STRIP1: variants seen among roughly 807,000 people sequenced by gnomAD.
The protein encoded by STRIP1 is striatin interacting protein 1.
Under a neutral mutation model 106.2 loss-of-function variants are expected in STRIP1, and 63 were observed. The ratio of observed to expected loss-of-function variants is 0.59; its 90% confidence interval spans 0.48 to 0.73. STRIP1 has a LOEUF of 0.73. Ranked by LOEUF, STRIP1 falls within the 30% of genes least tolerant of loss-of-function variation. STRIP1 has a pLI of 0.00. For missense variants in STRIP1, 857 were observed against 1,074.8 expected (o/e 0.80, Z 2.83); for synonymous variants, 390 against 413.0 (o/e 0.94, Z 0.67).
intron 5 of STRIP1, among the ~76,000 whole-genome samples, 194 bp from the exon 6 acceptor site, chr1:110,040,441 C>T (rs1159791646): frequency 1.3e-5 from 2 of 152,330 alleles, no homozygotes; most frequent in Non-Finnish European, 2.9e-5. Flanking sequence ...CTCGGCCTCC[C>T]GAAGTACTGG....
intron 1 of STRIP1, among the ~76,000 whole-genome samples, chr1:110,036,790 A>G (rs1237101407): frequency 6.6e-6 from 1 of 152,126 alleles, no homozygotes; most frequent in East Asian, 1.9e-4. Flanking sequence ...TCTGAACACA[A>G]CGTGGAGTTC....
chr1:110,040,499 C>G (rs1652706139), intron 5 of STRIP1, 136 bp from the exon 6 acceptor site: 2 of 760,758 alleles, frequency 2.6e-6, no homozygotes, highest in South Asian at 3.9e-5. Flanking sequence ...GGTTTCTTAA[C>G]CACCGTGTCC....
rs201224837 is a variant in STRIP1 at position 110,044,791 on chromosome 1, C to G, written c.1287-49C>G. 4.8e-5 allele frequency: 76 copies of G among 1,575,404 alleles called. 1 individual carries two copies. In the African/African-American group the frequency reaches 8.8e-4, roughly 18 times the overall value. On this transcript the variant is annotated intron_variant, in intron 10 of 20. Coordinates refer to ENST00000369795, the MANE Select transcript of STRIP1 (RefSeq NM_033088.4). ...TGTTAACTGTAACACTTTGAAATAG[C>G]ATTTGCTAAAAACCTTTTTTCTTTC...
intron 6 of STRIP1, 77 bp downstream of exon 6, chr1:110,040,780 T>C: frequency 3.2e-6 from 4 of 1,239,448 alleles, no homozygotes; most frequent in Non-Finnish European, 4.5e-6. Flanking sequence ...AGGCTGTCTG[T>C]GGGTGTCATT....
Position 110,039,388 on chromosome 1 carries a change from A to C in STRIP1, c.461-7A>C, listed in dbSNP as rs1373900819. The C allele has an allele frequency of 6.2e-7, 1 of 1,614,006 alleles. No individual in the cohort carries two copies. The highest frequency in any genetic ancestry group is 8.5e-7 in the Non-Finnish European group (1 of 1,180,028). The stretch of plus-strand genomic sequence containing the variant: ...AGGGGCTCAGTGAGTTGAACCCTGC[A>C]TTGCAGGCACGTTTGGGGAGTGCAG... On this transcript the variant is annotated splice_polypyrimidine_tract_variant and splice_region_variant and intron_variant, in intron 4 of 20. Transcript: ENST00000369795.
chr1:110,040,855 A>G, intron 6 of STRIP1, 152 bp downstream of exon 6: 1 of 671,670 alleles, frequency 1.5e-6, no homozygotes. Context: ...GATTAGTAGG[A>G]ACTGCTGAGG....
At position 110,054,237 on chromosome 1, in the gene STRIP1, G is replaced by T. The variant is rs1230159981; in HGVS notation, c.*325G>T. 4 of 297,738 alleles carry T rather than the reference G, an allele frequency of 1.3e-5. No individual in the cohort carries two copies. The Admixed American group carries it at 1.4e-4, about 11-fold the overall frequency. 18.4% of individuals were successfully genotyped at this position (297,738 alleles called of 1,614,324 possible). On this transcript the variant is annotated 3_prime_UTR_variant, in exon 21 of 21. Transcript: ENST00000369795. The stretch of plus-strand genomic sequence containing the variant: ...GCTGGAATGGGATGGGAACCCCTCC[G>T]CCGTGCATCTGAATTTCAGGGGTCA...
At position 110,051,701 on chromosome 1, in the gene STRIP1, T is replaced by G. The variant is rs185345162; in HGVS notation, c.2080T>G (p.Ser694Ala). 2 of 1,607,836 alleles carry G rather than the reference T, an allele frequency of 1.2e-6. No homozygotes were observed. Among genetic ancestry groups the G allele is most frequent in the Admixed American group, 1.7e-5 (1 of 59,064 alleles). Reference sequence around the variant, plus strand: ...TTCCCAGATGCTGGTGGTGTTCAAGTCAGCCCCCATCTTGAAGCGGGCCCT... The same window carrying G: ...TTCCCAGATGCTGGTGGTGTTCAAGGCAGCCCCCATCTTGAAGCGGGCCCT... Reference protein sequence around the residue: ...SRTMMLVVFKSAPILKRALKV... With the variant: ...SRTMMLVVFKAAPILKRALKV... The change falls in exon 20 of 21, where the codon TCA (serine) becomes GCA (alanine). Residue 694 changes from serine to alanine, a missense_variant. Physicochemically the swap from Ser to Ala is moderately conservative, Grantham distance 99. Around this residue, in one of 2 missense-constraint regions of STRIP1, gnomAD observed 750 missense variants for 989.8 expected, o/e 0.76. Coordinates refer to ENST00000369795, the MANE Select transcript of STRIP1 (RefSeq NM_033088.4).
In STRIP1 at chr1:110,053,848, A is replaced by G. The variant is rs752984955; in HGVS notation, c.2450A>G (p.Tyr817Cys). ...VDLPEDFQMN[Y>C]DLWLEREVFS... is the part of the protein sequence containing the mutation. ...CTCCCTGAGGACTTTCAGATGAACT[A>G]TGACCTCTGGTTAGAAAGGGAGGTC... Residue 817 changes from tyrosine to cysteine, a missense_variant, in exon 21 of 21, where the codon TAT becomes TGT. Tyr to Cys is a radical substitution (Grantham distance 194, BLOSUM62 -2). Coordinates refer to ENST00000369795, the MANE Select transcript of STRIP1 (RefSeq NM_033088.4). The G allele has an allele frequency of 8.1e-6, 13 of 1,614,024 alleles. No individual in the cohort carries two copies. Among genetic ancestry groups the G allele is most frequent in the East Asian group, 2.2e-5 (1 of 44,874 alleles).
chr1:110,036,438 G>A (rs894767387), intron 1 of STRIP1, among the ~76,000 whole-genome samples: 8 of 152,006 alleles, frequency 5.3e-5, no homozygotes, highest in African/African-American at 1.9e-4. Context: ...TGGGTGACAA[G>A]AGCGAAACTC....
In STRIP1 at chr1:110,044,828, G is replaced by A. The variant is rs1342970445; in HGVS notation, c.1287-12G>A. 6.2e-7 allele frequency: 1 copy of A among 1,611,806 alleles called. No homozygotes were observed. Among genetic ancestry groups the A allele is most frequent in the Non-Finnish European group, 8.5e-7 (1 of 1,179,146 alleles). Reference sequence around the variant, plus strand: ...ACCTTTTTTCTTTCTCTCTTTTTTGGTGATGTGGCAGAGAGAAAGACATTG... The same window carrying A: ...ACCTTTTTTCTTTCTCTCTTTTTTGATGATGTGGCAGAGAGAAAGACATTG... On this transcript the variant is annotated splice_polypyrimidine_tract_variant and intron_variant, in intron 10 of 20. Coordinates refer to ENST00000369795, the MANE Select transcript of STRIP1 (RefSeq NM_033088.4).
chr1:110,039,048 C>G (rs1371729841), intron 3 of STRIP1, 124 bp from the exon 4 acceptor site: 2 of 1,122,220 alleles, frequency 1.8e-6, no homozygotes, highest in African/African-American at 3.1e-5. Context: ...GATCTTACCA[C>G]TTACATAGGG....
At position 110,050,382 on chromosome 1, in the gene STRIP1, G is replaced by A; in HGVS notation, c.1929G>A (p.Glu643=). ...ATTACCCTCACTGCGTGGTGCATGA[G>A]CTGCCAGAGCTGACGGCGGAGAGTT... ...VLDYPHCVVH[E]LPELTAESLE... Residue 643 remains glutamate, a synonymous_variant, in exon 18 of 21, where the codon GAG becomes GAA. Transcript: ENST00000369795. The A allele has an allele frequency of 6.2e-7, 1 of 1,614,228 alleles. No homozygotes were observed. The highest frequency in any genetic ancestry group is 8.5e-7 in the Non-Finnish European group (1 of 1,180,032).
rs1407481468 is a variant in STRIP1, at chr1:110,047,543, G to A, written c.1490G>A (p.Gly497Glu). The change falls in exon 14 of 21, where the codon GGA becomes GAA. Residue 497 changes from glycine to glutamate, a missense_variant and splice_region_variant. By Grantham distance (98) the Gly-to-Glu change is moderately conservative. Coordinates refer to ENST00000369795, the MANE Select transcript of STRIP1 (RefSeq NM_033088.4). ...EEYLRSPLSGGEEEVEQVPAE... is the reference protein window; with the variant it reads ...EEYLRSPLSGEEEEVEQVPAE... ...TGCTTGTACTCATTATGTTAAAAGG[G>A]AGAAGAAGAAGTTGAGCAAGTCCCT... The A allele has an allele frequency of 1.2e-6, 2 of 1,610,674 alleles. No individual in the cohort carries two copies. Among genetic ancestry groups the A allele is most frequent in the African/African-American group, 2.7e-5 (2 of 74,878 alleles).
intron 17 of STRIP1, 110 bp from the exon 18 acceptor site, chr1:110,050,233 C>G (rs1653228089): frequency 3.0e-6 from 3 of 1,007,506 alleles, no homozygotes; most frequent in African/African-American, 1.6e-5. Context: ...ATTCCTACTT[C>G]TGCTCCAACA....
chr1:110,044,886 A>G lies in STRIP1; in HGVS notation c.1333A>G (p.Ile445Val), dbSNP rs569587037. 6 of 1,614,080 alleles carry G rather than the reference A, an allele frequency of 3.7e-6. No individual in the cohort carries two copies. The highest frequency in any genetic ancestry group is 1.7e-5 in the Admixed American group (1 of 60,002). ...MFLESSRSKF[I>V]GYTLGSDTNT... The stretch of plus-strand genomic sequence containing the variant: ...CCTTGAGTCCAGCCGCAGCAAATTT[A>G]TAGGTTACACTCTAGGCAGGTGAGT... The change falls in exon 11 of 21, where the codon ATA (isoleucine) becomes GTA (valine). Residue 445 changes from isoleucine (I) to valine (V), a missense_variant. Coordinates refer to ENST00000369795, the MANE Select transcript of STRIP1 (RefSeq NM_033088.4).
intron 10 of STRIP1, among the ~76,000 whole-genome samples, chr1:110,044,569 A>T (rs1175695683): frequency 6.6e-6 from 1 of 152,250 alleles, no homozygotes; most frequent in African/African-American, 2.4e-5. Flanking sequence ...TATCTGAATA[A>T]AGCATGTTTT....
chr1:110,037,856 T>C lies in STRIP1; in HGVS notation c.181-35T>C, dbSNP rs181439669. ...TGAGTTTCTTTGATAAATAGAATGA[T>C]CCTTTTTCCTAAAGCTCTCTCCTCT... On this transcript the variant is annotated intron_variant, in intron 1 of 20. Coordinates refer to ENST00000369795, the MANE Select transcript of STRIP1 (RefSeq NM_033088.4). 5 of 1,451,764 alleles carry C rather than the reference T, an allele frequency of 3.4e-6. No homozygotes were observed. In the Admixed American group the frequency reaches 8.4e-5, roughly 24 times the overall value. 89.9% of individuals were successfully genotyped at this position (1,451,764 alleles called of 1,614,324 possible). A position where few individuals can be genotyped will look rare whatever the true frequency, so the allele number is the denominator to read the frequency against.
intron 1 of STRIP1, 48 bp downstream of exon 1, chr1:110,034,865 G>T: frequency 1.5e-6 from 2 of 1,376,024 alleles, no homozygotes; most frequent in Non-Finnish European, 1.9e-6. Flanking sequence ...GGCGGCGCCG[G>T]GGGTCCCGGG....
Sources: gnomAD v4.1 joint callset for allele counts (sites outside exome capture counted in the v4.1 genomes callset) on GRCh38, gnomAD v4.1.1 for gene constraint, gnomAD v4.1.1 regional missense constraint, MANE v1.5 for transcripts, NCBI Gene and HGNC (gene_info 2026-07-23, HGNC 2026-07-21) for gene names.